ZNF519: variants seen among roughly 807,000 people sequenced by gnomAD.
ZNF519 encodes similar to Zinc finger protein 85 (Zinc finger protein HPF4) (HTF1).
In ZNF519, 7 loss-of-function variants were observed where a neutral mutation model predicts 7.4. The ratio of observed to expected loss-of-function variants is 0.94; its 90% CI spans 0.54 to 1.77. ZNF519 has a LOEUF of 1.77. Among genes scored for constraint, ZNF519 ranks in the 40% most tolerant of loss-of-function variants. ZNF519 has a pLI of 0.00. For missense variants in ZNF519, 586 were observed against 623.1 expected (o/e 0.94, Z 0.63); for synonymous variants, 179 against 203.3 (o/e 0.88, Z 1.02).
downstream of ZNF519, among the ~76,000 whole-genome samples, chr18:14,096,624 TC>T (rs1315666716): frequency 6.6e-6 from 1 of 152,138 alleles, no homozygotes; most frequent in Non-Finnish European, 1.5e-5. Flanking sequence ...TGAGCAATCC[TC>T]CCATCTCAGT....
At chr18:14,094,918 T>C (rs560507036) in intron 2 of ZNF519, among the ~76,000 whole-genome samples, 92 of 152,362 alleles carry the variant, frequency 6.0e-4, no homozygotes, top group Admixed American at 1.3e-3. Context: ...ATCTTTCAAC[T>C]TACTCTGATA....
At chr18:14,119,013 C>T (rs2046258561) in intron 2 of ZNF519, among the ~76,000 whole-genome samples, 1 of 152,162 alleles carries the variant, frequency 6.6e-6, no homozygotes, top group Non-Finnish European at 1.5e-5. Context: ...CTAGTGCCTG[C>T]TGTATAGATT....
At chr18:14,121,926 A>C (rs1204192177) in intron 2 of ZNF519, 1 of 152,224 alleles carries the variant, frequency 6.6e-6, no homozygotes, top group Non-Finnish European at 1.5e-5. Flanking sequence ...CATTTAAAAA[A>C]TCTAGAAGGT....
At chr18:14,125,927 C>T (rs1282918909) in intron 1 of ZNF519, among the ~76,000 whole-genome samples, 2 of 152,326 alleles carry the variant, frequency 1.3e-5, no homozygotes, top group African/African-American at 4.8e-5. Flanking sequence ...CTCAAGTGAT[C>T]TGCCCGCCTT....
chr18:14,106,410 C>A lies in ZNF519; in HGVS notation c.131-1G>T. 6.4e-7 allele frequency: 1 copy of A among 1,559,562 alleles called. No individual in the cohort carries two copies. The highest frequency in any genetic ancestry group is 8.6e-7 in the Non-Finnish European group (1 of 1,157,900). The stretch of plus-strand genomic sequence containing the variant: ...CCTTGGTTGTAATAAGAATACACAG[C>A]TGAAAGAAGTAAAAATAACTAATTA... On this transcript the variant is annotated splice_acceptor_variant, in intron 2 of 2. Coordinates refer to ENST00000590202, the MANE Select transcript of ZNF519 (RefSeq NM_145287.4). LOFTEE classifies it high-confidence loss of function.
chr18:14,081,531 A>C lies in ZNF519; in HGVS notation c.*178-3233T>G, dbSNP rs28379853. On this transcript the variant is annotated intron_variant and NMD_transcript_variant, in intron 3 of 4. Coordinates refer to the ZNF519 transcript ENST00000587419. Reference sequence around the variant, plus strand: ...TCCTTGCAGAAATATTTTTTGTGTAAGGTTGTGATGGCCTTTGTGCAAGGC... The same window carrying C: ...TCCTTGCAGAAATATTTTTTGTGTACGGTTGTGATGGCCTTTGTGCAAGGC... Among the ~76,000 whole-genome samples, 1,176 of 152,284 alleles carry C rather than the reference A, an allele frequency of 7.7e-3. 18 individuals are homozygous for C. Among genetic ancestry groups the C allele is most frequent in the African/African-American group, 0.026 (1,074 of 41,544 alleles).
chr18:14,089,722 G>A (rs1180836701), intron 2 of ZNF519, among the ~76,000 whole-genome samples: 3 of 152,044 alleles, frequency 2.0e-5, no homozygotes, highest in Non-Finnish European at 4.4e-5. Context: ...ACTCTGTAAC[G>A]TGCACATTTT....
intron 2 of ZNF519, among the ~76,000 whole-genome samples, chr18:14,112,692 TTAAAA>T (rs1329363791): frequency 1.3e-5 from 2 of 151,968 alleles, no homozygotes; most frequent in African/African-American, 2.4e-5. Context: ...TAGCCACAAA[TTAAAA>T]TAAAATACCT....
chr18:14,084,610 C>G (rs1441151611), intron 3 of ZNF519, among the ~76,000 whole-genome samples: 1 of 152,092 alleles, frequency 6.6e-6, no homozygotes, highest in Non-Finnish European at 1.5e-5. Context: ...CTTTTCCCTT[C>G]TCCTGGTCCT....
At chr18:14,128,716 CACACACACAA>C (rs1427619923) in intron 1 of ZNF519, among the ~76,000 whole-genome samples, 1 of 134,800 alleles carries the variant, frequency 7.4e-6, no homozygotes, top group Non-Finnish European at 1.7e-5. Flanking sequence ...CACACACACA[CACACACACAA>C]AACCAAATGA....
In ZNF519 at chr18:14,103,570, AAAAC is replaced by A. The variant is rs1168476982; in HGVS notation, c.*1343_*1346del. 6.6e-6 allele frequency: 1 copy of A among 152,156 alleles called. No homozygotes were observed. The highest frequency in any genetic ancestry group is 2.4e-5 in the African/African-American group (1 of 41,444). 9.4% of individuals were successfully genotyped at this position (152,156 alleles called of 1,614,324 possible). A position where few individuals can be genotyped will look rare whatever the true frequency, so the allele number is the denominator to read the frequency against. On this transcript the variant is annotated 3_prime_UTR_variant, in exon 3 of 3. Transcript: ENST00000590202. ...TTCATAGCAGTAAACACCTACATTA[AAAAC>A]AAACAATTTTAAATTAATAACCTAA...
Position 14,106,240 on chromosome 18 carries a change from T to C in ZNF519, c.300A>G (p.Leu100=), listed in dbSNP as rs145845036. 13 of 1,613,540 alleles carry C rather than the reference T, an allele frequency of 8.1e-6. No homozygotes were observed. The highest frequency in any genetic ancestry group is 2.2e-5 in the East Asian group (1 of 44,846). The stretch of plus-strand genomic sequence containing the variant: ...GACTAGTTGTCAAATATTGGCTACA[T>C]AGATTATAACATTCCTTTTGTCCTT... ...EGEGQKECYN[L]CSQYLTTSHN... The change falls in exon 3 of 3, where the codon CTA becomes CTG. Residue 100 remains leucine, a synonymous_variant. Coordinates refer to ENST00000590202, the MANE Select transcript of ZNF519 (RefSeq NM_145287.4).
At chr18:14,083,214 G>A (rs927855059) in intron 3 of ZNF519, among the ~76,000 whole-genome samples, 1 of 152,086 alleles carries the variant, frequency 6.6e-6, no homozygotes, top group South Asian at 2.1e-4. Context: ...GCCGGGCGTG[G>A]TGATGTGCAC....
At chr18:14,098,008 G>A (rs187247471), downstream of ZNF519, among the ~76,000 whole-genome samples, 25 of 152,124 alleles carry the variant, frequency 1.6e-4, no homozygotes, top group Non-Finnish European at 3.2e-4. Context: ...AGAGGCCCCA[G>A]AGCTCTCATC....
chr18:14,075,376 G>A (rs935383081), downstream of ZNF519: 3 of 152,254 alleles, frequency 2.0e-5, no homozygotes, highest in Non-Finnish European at 4.4e-5. Flanking sequence ...TTGGGAGCTT[G>A]TAGTTTCAGG....
Position 14,077,827 on chromosome 18 carries a change from T to C in ZNF519, c.*277-301A>G, listed in dbSNP as rs771717867. ...ATCTAATTTTCTGTTATTCCCCAAA[T>C]TCCTGAGCCAAACTATTATTTAATT... On this transcript the variant is annotated intron_variant and NMD_transcript_variant, in intron 4 of 4. Transcript: ENST00000587419. 2.6e-4 allele frequency among the ~76,000 whole-genome samples: 40 copies of C among 152,180 alleles called. 2 individuals carry two copies. Among genetic ancestry groups the C allele is most frequent in the Admixed American group, 2.6e-4 (4 of 15,284 alleles).
In ZNF519 at chr18:14,105,668, G is replaced by T; in HGVS notation, c.872C>A (p.Pro291His). ...GHQKIHTGEK[P>H]YKCKKCDKAF... ...TTTGTCACATTTTTTACATTTGTAA[G>T]GTTTCTCTCCAGTATGAATTTTCTG... Residue 291 changes from proline (P) to histidine (H), a missense_variant, in exon 3 of 3, where the codon CCT becomes CAT. Coordinates refer to ENST00000590202, the MANE Select transcript of ZNF519 (RefSeq NM_145287.4). 1 of 1,613,488 alleles carries T rather than the reference G, an allele frequency of 6.2e-7. No individual in the cohort carries two copies. The highest frequency in any genetic ancestry group is 2.2e-5 in the East Asian group (1 of 44,864).
At chr18:14,095,594 G>C (rs537220136), downstream of ZNF519, among the ~76,000 whole-genome samples, 46 of 152,202 alleles carry the variant, frequency 3.0e-4, no homozygotes, top group Non-Finnish European at 6.3e-4. Flanking sequence ...ATAAGGACAA[G>C]AGACTGTGTC....
chr18:14,082,185 CTTTAG>C lies in ZNF519; in HGVS notation c.*177+2687_*177+2691del, dbSNP rs2046073187. On this transcript the variant is annotated intron_variant and NMD_transcript_variant, in intron 3 of 4. Transcript: ENST00000587419. The stretch of plus-strand genomic sequence containing the variant: ...GCAATGGTTCATAATTAGAACACCA[CTTTAG>C]TTTATTAGTTAAATCAAAAGATTAA... The C allele has an allele frequency of 3.9e-5, 6 of 152,202 alleles. No individual in the cohort carries two copies. The South Asian group carries it at 6.2e-4, about 16-fold the overall frequency. 9.4% of individuals were successfully genotyped at this position (152,202 alleles called of 1,614,324 possible).
Sources: gnomAD v4.1 joint callset for allele counts (sites outside exome capture counted in the v4.1 genomes callset) on GRCh38, gnomAD v4.1.1 for gene constraint, MANE v1.5 for transcripts, NCBI Gene and HGNC (gene_info 2026-07-23, HGNC 2026-07-21) for gene names.